TDRD9: variants seen among roughly 807,000 people sequenced by gnomAD.
TDRD9 encodes the protein tudor domain containing 9, also known as ATP-dependent RNA helicase TDRD9.
In TDRD9, 124 loss-of-function variants were observed where a neutral mutation model predicts 172.6. That is an observed-to-expected ratio of 0.72 (90% confidence interval 0.62 to 0.83). The LOEUF is 0.83. Ranked by LOEUF, TDRD9 falls within the 40% of genes least tolerant of loss-of-function variation. TDRD9 has a pLI of 0.00. For missense variants in TDRD9, 1,479 were observed against 1,714.1 expected (o/e 0.86, Z 2.42); for synonymous variants, 619 against 617.1 (o/e 1.00, Z -0.05).
intron 8 of TDRD9, among the ~76,000 whole-genome samples, chr14:103,989,467 C>T (rs1285345200): frequency 2.6e-5 from 4 of 152,202 alleles, no homozygotes; most frequent in African/African-American, 9.6e-5. Context: ...GGAGGCCATG[C>T]TGTGCAGGAA....
At chr14:103,949,183 G>A (rs923850827) in intron 1 of TDRD9, among the ~76,000 whole-genome samples, 1 of 152,206 alleles carries the variant, frequency 6.6e-6, no homozygotes, top group Admixed American at 6.5e-5. Flanking sequence ...AAAGAATTGT[G>A]AATAGCATGA....
intron 1 of TDRD9, among the ~76,000 whole-genome samples, chr14:103,945,969 T>G (rs184698435): frequency 1.6e-5 from 1 of 61,078 alleles, no homozygotes; most frequent in African/African-American, 6.0e-5. Flanking sequence ...TATCTTTCTG[T>G]TTTTTTTTTT....
In TDRD9 at chr14:103,970,641, T is replaced by C. The variant is rs774571438; in HGVS notation, c.846+20T>C. 1.3e-6 allele frequency: 2 copies of C among 1,495,982 alleles called. No individual in the cohort carries two copies. The highest frequency in any genetic ancestry group is 1.2e-5 in the South Asian group (1 of 82,980). 92.7% of individuals were successfully genotyped at this position (1,495,982 alleles called of 1,614,324 possible). A position where few individuals can be genotyped will look rare whatever the true frequency, so the allele number is the denominator to read the frequency against. Reference sequence around the variant, plus strand: ...GTGAAGGTAAATTTGATTTCATGAGTAACAGACATATTTAGGATTAAGATT... The same window carrying C: ...GTGAAGGTAAATTTGATTTCATGAGCAACAGACATATTTAGGATTAAGATT... On this transcript the variant is annotated intron_variant, in intron 6 of 35. Transcript: ENST00000409874.
intron 8 of TDRD9, among the ~76,000 whole-genome samples, chr14:103,989,000 C>G (rs117327469): frequency 6.6e-6 from 1 of 152,034 alleles, no homozygotes; most frequent in African/African-American, 2.4e-5. Flanking sequence ...TCTCTGGGGT[C>G]GGCTGTTTTC....
intron 1 of TDRD9, chr14:103,941,713 AT>A: frequency 6.8e-7 from 1 of 1,469,792 alleles, no homozygotes; most frequent in Non-Finnish European, 9.0e-7. Context: ...CTATGGAAAT[AT>A]TTTCACTTGT....
chr14:103,958,285 G>A (rs937945039), intron 2 of TDRD9, among the ~76,000 whole-genome samples: 2 of 152,166 alleles, frequency 1.3e-5, no homozygotes, highest in African/African-American at 2.4e-5. Context: ...ACCTTACTGA[G>A]GCAGTGTGGG....
chr14:103,948,778 G>C (rs1423667882), intron 1 of TDRD9, among the ~76,000 whole-genome samples: 2 of 151,746 alleles, frequency 1.3e-5, no homozygotes, highest in African/African-American at 4.9e-5. Context: ...GGCTGAGATG[G>C]GAGGATTGCA....
intron 22 of TDRD9, among the ~76,000 whole-genome samples, 187 bp from the exon 23 acceptor site, chr14:104,017,905 T>C (rs2034839677): frequency 6.6e-6 from 1 of 152,238 alleles, no homozygotes; most frequent in South Asian, 2.1e-4. Flanking sequence ...ACATATTTAT[T>C]ATAGAACTTA....
Position 104,025,697 on chromosome 14 carries a change from G to C in TDRD9, c.2852G>C (p.Cys951Ser). 6.2e-7 allele frequency: 1 copy of C among 1,614,014 alleles called. No individual in the cohort carries two copies. The highest frequency in any genetic ancestry group is 8.5e-7 in the Non-Finnish European group (1 of 1,179,896). ...ACTCACCCACATCCAGACTTGGTCTGTCTGGCACCTTTTGCTGATTTTGAT... is the reference window on the plus strand; with the variant it reads ...ACTCACCCACATCCAGACTTGGTCTCTCTGGCACCTTTTGCTGATTTTGAT... ...LPTHPHPDLV[C>S]LAPFADFDKQ... The change falls in exon 26 of 36, where the codon TGT (cysteine) becomes TCT (serine). Residue 951 changes from cysteine (C) to serine (S), a missense_variant. Coordinates refer to ENST00000409874, the MANE Select transcript of TDRD9 (RefSeq NM_153046.3).
rs1380642914 is a variant in TDRD9 at position 104,049,655 on chromosome 14, A to G, written c.4022A>G (p.His1341Arg). ...AGGGAGAAGATTGTTCCCAAGTGGC[A>G]TGAAAAGCCCTACGAGTGGAATCAG... Reference protein sequence around the residue: ...KPREKIVPKWHEKPYEWNQVD... With the variant: ...KPREKIVPKWREKPYEWNQVD... Residue 1341 changes from histidine to arginine, a missense_variant, in exon 35 of 36, where the codon CAT (histidine) becomes CGT (arginine). By Grantham distance (29) the His-to-Arg change is conservative. Coordinates refer to ENST00000409874, the MANE Select transcript of TDRD9 (RefSeq NM_153046.3). The G allele has an allele frequency of 1.9e-6, 3 of 1,591,048 alleles. No individual in the cohort carries two copies. Among genetic ancestry groups the G allele is most frequent in the African/African-American group, 2.7e-5 (2 of 74,364 alleles).
intron 24 of TDRD9, among the ~76,000 whole-genome samples, chr14:104,022,997 T>A (rs1467658391): frequency 6.6e-6 from 1 of 151,524 alleles, no homozygotes; most frequent in African/African-American, 2.4e-5. Context: ...CTGGCCGACA[T>A]GGTGAAACCC....
intron 26 of TDRD9, 93 bp from the exon 27 acceptor site, chr14:104,025,954 T>C: frequency 9.9e-7 from 1 of 1,010,362 alleles, no homozygotes; most frequent in South Asian, 1.5e-5. Context: ...ATTCTATAAT[T>C]ATAGGATTAG....
intron 1 of TDRD9, among the ~76,000 whole-genome samples, chr14:103,947,293 TTTTG>T (rs774309463): frequency 3.6e-4 from 55 of 152,024 alleles, no homozygotes; most frequent in Non-Finnish European, 4.4e-4. Flanking sequence ...AGTTTGTTTT[TTTTG>T]TTTGTTTGTT....
chr14:104,047,645 G>A (rs1217747278), intron 34 of TDRD9, among the ~76,000 whole-genome samples: 1 of 152,296 alleles, frequency 6.6e-6, no homozygotes, highest in Middle Eastern at 3.4e-3. Flanking sequence ...TGTTAAACGC[G>A]TGCTGACACG....
intron 33 of TDRD9, 134 bp downstream of exon 33, chr14:104,040,468 C>A: frequency 1.0e-6 from 1 of 985,030 alleles, no homozygotes. Context: ...GTGCACGTTC[C>A]TTGTCCCTCC....
At chr14:104,048,051 C>T (rs911822772) in intron 34 of TDRD9, among the ~76,000 whole-genome samples, 3 of 151,338 alleles carry the variant, frequency 2.0e-5, no homozygotes, top group African/African-American at 7.4e-5. Context: ...TCTTTGATGT[C>T]TCCTAATTTT....
intron 35 of TDRD9, 26 bp downstream of exon 35, chr14:104,049,706 G>A (rs1211006462): frequency 3.9e-6 from 6 of 1,556,150 alleles, no homozygotes; most frequent in African/African-American, 2.7e-5. Flanking sequence ...GCTGCTACAT[G>A]AGCAGAGGCC....
At chr14:104,051,779 C>T (rs2035941827) in intron 35 of TDRD9, among the ~76,000 whole-genome samples, 1 of 152,158 alleles carries the variant, frequency 6.6e-6, no homozygotes, top group Non-Finnish European at 1.5e-5. Context: ...TTTTGTCCAT[C>T]TTTAATGGGG....
In TDRD9 at chr14:104,037,803, G is replaced by A. The variant is rs564923270; in HGVS notation, c.3717-2393G>A. 1.6e-3 allele frequency among the ~76,000 whole-genome samples: 239 copies of A among 152,230 alleles called. 2 individuals are homozygous for A. Among genetic ancestry groups the A allele is most frequent in the Non-Finnish European group, 2.6e-3 (179 of 68,020 alleles). ...TGCCAGCTTTCCTCTTCCCTTCATC[G>A]TGGAGCTGATCCACCACACATCTGT... On this transcript the variant is annotated intron_variant, in intron 32 of 35. Transcript: ENST00000409874.
Sources: gnomAD v4.1 joint callset for allele counts (sites outside exome capture counted in the v4.1 genomes callset) on GRCh38, gnomAD v4.1.1 for gene constraint, MANE v1.5 for transcripts, NCBI Gene and HGNC (gene_info 2026-07-23, HGNC 2026-07-21) for gene names.